The following EPHA7 variants were observed in gnomAD, a reference collection of about 807,000 sequenced individuals.
The protein encoded by EPHA7 is ephrin type-A receptor 7.
In EPHA7, 25 loss-of-function variants were observed where a neutral mutation model predicts 112.6. The ratio of observed to expected loss-of-function variants is 0.22; its 90% CI spans 0.16 to 0.31. EPHA7 has a LOEUF of 0.31. Ranked by LOEUF, EPHA7 falls within the 10% of genes least tolerant of loss-of-function variation. EPHA7 has a pLI of 1.00. For missense variants in EPHA7, 962 were observed against 1,212.6 expected (o/e 0.79, Z 3.07); for synonymous variants, 437 against 406.5 (o/e 1.07, Z -0.90).
At chr6:93,345,439 T>C (rs889520857) in intron 5 of EPHA7, among the ~76,000 whole-genome samples, 1 of 151,742 alleles carries the variant, frequency 6.6e-6, no homozygotes, top group Non-Finnish European at 1.5e-5. Context: ...GCTACATGAC[T>C]GTATGTACAT....
chr6:93,373,304 C>A (rs1285865443), intron 3 of EPHA7, among the ~76,000 whole-genome samples: 1 of 151,822 alleles, frequency 6.6e-6, no homozygotes, highest in East Asian at 1.9e-4. Flanking sequence ...AGCAATAATT[C>A]TTGACCTTTT....
At chr6:93,264,756 A>C (rs970769339) in intron 7 of EPHA7, 54 bp from the exon 8 acceptor site, 1 of 1,017,332 alleles carries the variant, frequency 9.8e-7, no homozygotes, top group Non-Finnish European at 1.4e-6. Context: ...AAGAACTTGA[A>C]AGGTTAAATA....
chr6:93,322,747 T>C (rs1160058602), intron 5 of EPHA7, among the ~76,000 whole-genome samples: 1 of 151,652 alleles, frequency 6.6e-6, no homozygotes, highest in Non-Finnish European at 1.5e-5. Context: ...AAATATTCTC[T>C]TTGGATTTAG....
intron 5 of EPHA7, among the ~76,000 whole-genome samples, chr6:93,330,535 A>G (rs1212696649): frequency 1.3e-5 from 2 of 151,316 alleles, no homozygotes; most frequent in African/African-American, 4.8e-5. Context: ...ATGTAGTAGT[A>G]TTTGTATTTC....
At chr6:93,295,503 TTATC>T (rs1459583762) in intron 5 of EPHA7, among the ~76,000 whole-genome samples, 5 of 151,416 alleles carry the variant, frequency 3.3e-5, no homozygotes, top group African/African-American at 4.8e-5. Context: ...AGATATTTCT[TTATC>T]TAATTATACT....
intron 1 of EPHA7, among the ~76,000 whole-genome samples, chr6:93,416,006 A>AT (rs1179059231): frequency 5.3e-5 from 8 of 152,276 alleles, no homozygotes; most frequent in African/African-American, 1.9e-4. Flanking sequence ...GAAAATAGAT[A>AT]TAGAGACCCA....
At chr6:93,376,556 C>T (rs910026490) in intron 3 of EPHA7, among the ~76,000 whole-genome samples, 2 of 152,168 alleles carry the variant, frequency 1.3e-5, no homozygotes, top group Non-Finnish European at 2.9e-5. Flanking sequence ...GATGCTTCTT[C>T]CAACTACTGA....
chr6:93,329,046 A>G (rs1478241577), intron 5 of EPHA7, among the ~76,000 whole-genome samples: 1 of 151,432 alleles, frequency 6.6e-6, no homozygotes, highest in East Asian at 1.9e-4. Context: ...ACATATACAC[A>G]CAAATAACTA....
chr6:93,287,740 G>A (rs1419806924), intron 5 of EPHA7, among the ~76,000 whole-genome samples: 1 of 151,804 alleles, frequency 6.6e-6, no homozygotes, highest in African/African-American at 2.4e-5. Context: ...GTGTGTCCAT[G>A]TGTTCTCCTT....
chr6:93,374,239 T>C (rs554433636), intron 3 of EPHA7, among the ~76,000 whole-genome samples: 1 of 152,306 alleles, frequency 6.6e-6, no homozygotes, highest in Admixed American at 6.5e-5. Context: ...AAGCCATATC[T>C]GACCTCTGGG....
chr6:93,286,164 A>ACCC (rs1442731781), intron 5 of EPHA7, among the ~76,000 whole-genome samples: 1 of 149,826 alleles, frequency 6.7e-6, no homozygotes, highest in Non-Finnish European at 1.5e-5. Flanking sequence ...ACACACACAC[A>ACCC]CCCTACACAC....
chr6:93,353,827 C>T, intron 5 of EPHA7, among the ~76,000 whole-genome samples: 1 of 151,914 alleles, frequency 6.6e-6, no homozygotes, highest in East Asian at 1.9e-4. Flanking sequence ...CCCTTGATAC[C>T]AATGGCCCTA....
chr6:93,258,066 T>G (rs993535570), intron 11 of EPHA7, 33 bp downstream of exon 11: 1 of 1,584,416 alleles, frequency 6.3e-7, no homozygotes, highest in Admixed American at 1.7e-5. Flanking sequence ...CACTCAGTCT[T>G]TTTGATAAAA....
intron 5 of EPHA7, among the ~76,000 whole-genome samples, chr6:93,333,935 G>C (rs1264065647): frequency 6.6e-6 from 1 of 151,876 alleles, no homozygotes; most frequent in East Asian, 1.9e-4. Context: ...CACATAATTA[G>C]ATAATACCAT....
At chr6:93,408,062 T>C (rs1477081520) in intron 3 of EPHA7, among the ~76,000 whole-genome samples, 3 of 152,046 alleles carry the variant, frequency 2.0e-5, no homozygotes. Context: ...GTGAAACAAC[T>C]GCCACAAAAA....
chr6:93,276,204 A>C (rs1372028635), intron 5 of EPHA7, among the ~76,000 whole-genome samples: 1 of 152,008 alleles, frequency 6.6e-6, no homozygotes, highest in Non-Finnish European at 1.5e-5. Flanking sequence ...CCCAGTGGGC[A>C]CTATCTAGTC....
chr6:93,356,454 C>T lies in EPHA7; in HGVS notation c.1324+263G>A, dbSNP rs188936484. 7.6e-3 allele frequency among the ~76,000 whole-genome samples: 1,150 copies of T among 152,216 alleles called. 11 individuals carry two copies. Among genetic ancestry groups the T allele is most frequent in the Middle Eastern group, 0.014 (4 of 294 alleles). ...TGCTGACCTTGTGATCTGCCCGCCTCGGCCTCCCAAAATGCTGGGATTACA... is the reference window on the plus strand; with the variant it reads ...TGCTGACCTTGTGATCTGCCCGCCTTGGCCTCCCAAAATGCTGGGATTACA... On this transcript the variant is annotated intron_variant, in intron 5 of 16. Coordinates refer to ENST00000369303, the MANE Select transcript of EPHA7 (RefSeq NM_004440.4).
intron 5 of EPHA7, among the ~76,000 whole-genome samples, chr6:93,298,905 TTATTA>T (rs1772815035): frequency 6.6e-6 from 1 of 152,128 alleles, no homozygotes; most frequent in Admixed American, 6.5e-5. Flanking sequence ...CTTTTCTGCT[TTATTA>T]GTGGAATATC....
intron 3 of EPHA7, among the ~76,000 whole-genome samples, chr6:93,379,368 A>G (rs1777222827): frequency 6.6e-6 from 1 of 152,086 alleles, no homozygotes; most frequent in Non-Finnish European, 1.5e-5. Context: ...TCCAAAAATT[A>G]TAGTTGGGCA....
Sources: allele counts gnomAD v4.1 joint callset (sites outside exome capture counted in the v4.1 genomes callset), GRCh38; gene constraint gnomAD v4.1.1; transcripts MANE v1.5; gene names NCBI Gene and HGNC (gene_info 2026-07-23, HGNC 2026-07-21).